Variants in ERC2 observed in about 807,000 individuals in gnomAD.
ERC2 encodes the protein ERC protein 2.
In ERC2, 42 loss-of-function variants were observed where a neutral mutation model predicts 114.8. The observed-to-expected ratio is 0.37, with a 90% CI of 0.29 to 0.47. The LOEUF (loss-of-function observed/expected upper bound fraction) is 0.47, where lower values mean the gene tolerates loss of function less well. Ranked by LOEUF, ERC2 falls within the 20% of genes least tolerant of loss-of-function variation. The probability of loss-of-function intolerance (pLI) is 0.99; values close to 1 mark genes in which losing one functional copy is unlikely to be tolerated. For synonymous variants in ERC2, 454 were observed against 425.5 expected (o/e 1.07, Z -0.82); for missense variants, 939 against 1,150.7 (o/e 0.82, Z 2.66).
chr3:56,419,240 T>C (rs1174630105), intron 2 of ERC2, among the ~76,000 whole-genome samples: 1 of 151,926 alleles, frequency 6.6e-6, no homozygotes, highest in Non-Finnish European at 1.5e-5. Context: ...CTTGCTCTTA[T>C]CACAAATGCC....
chr3:55,907,411 G>A (rs981205647), intron 13 of ERC2, among the ~76,000 whole-genome samples: 3 of 152,178 alleles, frequency 2.0e-5, no homozygotes, highest in African/African-American at 4.8e-5. Flanking sequence ...GATTATGTGA[G>A]ATTGCAGGAT....
At chr3:56,032,504 C>T (rs1519036) in intron 7 of ERC2, among the ~76,000 whole-genome samples, 14 of 152,128 alleles carry the variant, frequency 9.2e-5, no homozygotes, top group Admixed American at 9.2e-4. Flanking sequence ...AGAAAACTAC[C>T]TAAATCTGGA....
At chr3:56,127,718 G>A (rs1365057219) in intron 6 of ERC2, among the ~76,000 whole-genome samples, 1 of 145,900 alleles carries the variant, frequency 6.9e-6, no homozygotes, top group Non-Finnish European at 1.5e-5. Flanking sequence ...GCAAAACTCT[G>A]TCTCAAAAGA....
chr3:55,724,181 C>A (rs1458362078), intron 15 of ERC2, among the ~76,000 whole-genome samples: 1 of 152,152 alleles, frequency 6.6e-6, no homozygotes, highest in Non-Finnish European at 1.5e-5. Context: ...CTTGATTGAG[C>A]CTGCAGCCTT....
rs2051999362 is a variant in ERC2, at chr3:55,510,397, G to GT, written c.*918dup. The GT allele has an allele frequency of 6.6e-6, 1 of 152,406 alleles. No individual in the cohort carries two copies. The highest frequency in any genetic ancestry group is 6.5e-5 in the Admixed American group (1 of 15,270). 9.4% of individuals were successfully genotyped at this position (152,406 alleles called of 1,614,324 possible). On this transcript the variant is annotated 3_prime_UTR_variant, in exon 18 of 18. Transcript: ENST00000288221. ...ATGGAGACCTGCATGCACCGGGATG[G>GT]TAAGAGTCTGAGGCTTGGTGGCGTC...
intron 1 of ERC2, among the ~76,000 whole-genome samples, chr3:56,448,284 T>G (rs189507701): frequency 6.6e-6 from 1 of 152,214 alleles, no homozygotes; most frequent in Non-Finnish European, 1.5e-5. Flanking sequence ...CTAACACTCT[T>G]AGAGCCCATG....
rs148028354 is a variant in ERC2, at chr3:55,627,990, A to G, written c.*39+55804T>C. ...ATATATTTAGGTTGGCTTTCTATTT[A>G]ATTTTGAGTAAGTTTAGAATTTTTT... On this transcript the variant is annotated intron_variant, in intron 17 of 17. Coordinates refer to ENST00000288221, the MANE Select transcript of ERC2 (RefSeq NM_015576.3). 2.6e-3 allele frequency among the ~76,000 whole-genome samples: 375 copies of G among 142,884 alleles called. 10 individuals are homozygous for G. The highest frequency in any genetic ancestry group is 0.026 in the Admixed American group (353 of 13,808). The allele number at this position is 142,884 out of a possible 152,430, so 93.7% of individuals were successfully genotyped here. A position where few individuals can be genotyped will look rare whatever the true frequency, so the allele number is the denominator to read the frequency against.
At chr3:56,428,846 G>A (rs566089672) in intron 2 of ERC2, among the ~76,000 whole-genome samples, 14 of 152,284 alleles carry the variant, frequency 9.2e-5, no homozygotes, top group South Asian at 8.3e-4. Flanking sequence ...CTTGGGTTAC[G>A]TTTCCCAATG....
At chr3:56,462,539 T>C (rs986816147) in intron 1 of ERC2, among the ~76,000 whole-genome samples, 1 of 152,200 alleles carries the variant, frequency 6.6e-6, no homozygotes, top group African/African-American at 2.4e-5. Context: ...AGATGCCTCC[T>C]AAATCTTAAT....
chr3:56,300,280 C>CAAAAAAAAAAAAAAAAAAAAAAA (rs200816892), intron 2 of ERC2, among the ~76,000 whole-genome samples: 2 of 93,212 alleles, frequency 2.1e-5, no homozygotes, highest in East Asian at 2.9e-4. Flanking sequence ...TCATGAAATA[C>CAAAAAAAAAAAAAAAAAAAAAAA]AAAAAAAAAA....
At chr3:56,149,775 A>G (rs1209386568) in intron 4 of ERC2, among the ~76,000 whole-genome samples, 1 of 152,170 alleles carries the variant, frequency 6.6e-6, no homozygotes, top group Non-Finnish European at 1.5e-5. Flanking sequence ...TCCCTACGTA[A>G]CAAAAAACAT....
intron 17 of ERC2, among the ~76,000 whole-genome samples, chr3:55,577,710 C>T (rs188287183): frequency 6.6e-6 from 1 of 152,162 alleles, no homozygotes; most frequent in Non-Finnish European, 1.5e-5. Context: ...GGAGAGGAAC[C>T]TGCTAGGTGG....
chr3:55,598,988 G>A (rs2058277137), intron 17 of ERC2, among the ~76,000 whole-genome samples: 2 of 152,224 alleles, frequency 1.3e-5, no homozygotes, highest in African/African-American at 4.8e-5. Flanking sequence ...CCTTGGATTG[G>A]CAGCTACTTG....
intron 2 of ERC2, among the ~76,000 whole-genome samples, chr3:56,333,148 T>C (rs887958131): frequency 6.6e-6 from 1 of 152,252 alleles, no homozygotes; most frequent in Non-Finnish European, 1.5e-5. Context: ...GGTCCATTAA[T>C]GTCTTACATT....
chr3:56,096,891 C>T (rs970280646), intron 6 of ERC2, among the ~76,000 whole-genome samples: 1 of 152,178 alleles, frequency 6.6e-6, no homozygotes. Flanking sequence ...AACAAATTTG[C>T]TCTTCAAAAG....
At chr3:55,758,561 G>A (rs2148988794) in intron 14 of ERC2, among the ~76,000 whole-genome samples, 1 of 152,350 alleles carries the variant, frequency 6.6e-6, no homozygotes, top group South Asian at 2.1e-4. Context: ...AACTTTTACA[G>A]ATGCCTGTCC....
intron 17 of ERC2, among the ~76,000 whole-genome samples, chr3:55,616,546 A>G (rs915078233): frequency 2.6e-5 from 4 of 152,152 alleles, no homozygotes; most frequent in Non-Finnish European, 5.9e-5. Flanking sequence ...TGTGTTAGAT[A>G]TACACATATA....
chr3:55,993,052 G>A (rs546378997), intron 10 of ERC2, among the ~76,000 whole-genome samples: 53 of 152,148 alleles, frequency 3.5e-4, no homozygotes, highest in African/African-American at 1.0e-3. Flanking sequence ...GAGAGAGTGC[G>A]TTACAGCTTT....
chr3:56,254,544 T>C (rs545714237), intron 3 of ERC2, among the ~76,000 whole-genome samples: 8 of 152,324 alleles, frequency 5.3e-5, no homozygotes, highest in East Asian at 1.9e-4. Context: ...ATTCCCCACA[T>C]ACCAACTGGC....
Sources: gnomAD v4.1 joint callset for allele counts (sites outside exome capture counted in the v4.1 genomes callset) on GRCh38, gnomAD v4.1.1 for gene constraint, MANE v1.5 for transcripts, NCBI Gene and HGNC (gene_info 2026-07-23, HGNC 2026-07-21) for gene names.